ZBTB20: variants seen among roughly 807,000 people sequenced by gnomAD.
The protein encoded by ZBTB20 is zinc finger and BTB domain containing 20.
A neutral mutation model predicts 56.9 loss-of-function variants in ZBTB20; 9 were observed. The ratio of observed to expected loss-of-function variants is 0.16; its 90% CI spans 0.10 to 0.28. ZBTB20 has a LOEUF of 0.28. Ranked by LOEUF, ZBTB20 falls within the 10% of genes least tolerant of loss-of-function variation. ZBTB20 has a pLI of 1.00. For synonymous variants in ZBTB20, 417 were observed against 420.7 expected, an observed-to-expected ratio of 0.99 and a Z score of 0.11; for missense variants, 655 against 1,003.0, an observed-to-expected ratio of 0.65 and a Z score of 4.69.
intron 2 of ZBTB20, among the ~76,000 whole-genome samples, chr3:115,004,632 G>C (rs2079391120): frequency 6.6e-6 from 1 of 151,658 alleles, no homozygotes; most frequent in Non-Finnish European, 1.5e-5. Context: ...ATTGTTCATA[G>C]ATGAATATTC....
intron 2 of ZBTB20, among the ~76,000 whole-genome samples, chr3:115,069,456 A>C (rs2082327149): frequency 6.6e-6 from 1 of 152,106 alleles, no homozygotes; most frequent in Non-Finnish European, 1.5e-5. Context: ...CGAACTCTCC[A>C]TATCCCAAGC....
intron 11 of ZBTB20, among the ~76,000 whole-genome samples, chr3:114,342,506 A>G (rs1276646055): frequency 1.3e-5 from 2 of 152,234 alleles, no homozygotes; most frequent in South Asian, 2.1e-4. Flanking sequence ...ATACAGATGT[A>G]GGAGTCAGAT....
intron 10 of ZBTB20, among the ~76,000 whole-genome samples, chr3:114,361,318 TATC>T (rs1214234519): frequency 6.6e-6 from 1 of 152,234 alleles, no homozygotes; most frequent in Admixed American, 6.5e-5. Context: ...CACCAATTCT[TATC>T]ATCCCCATGA....
intron 5 of ZBTB20, among the ~76,000 whole-genome samples, chr3:114,717,862 T>G (rs966093554): frequency 4.0e-5 from 6 of 151,560 alleles, no homozygotes; most frequent in Non-Finnish European, 8.8e-5. Flanking sequence ...TAACCGCTTC[T>G]TTTCCTCCTC....
intron 2 of ZBTB20, among the ~76,000 whole-genome samples, chr3:115,018,814 G>A (rs910604952): frequency 2.6e-5 from 4 of 151,392 alleles, no homozygotes; most frequent in African/African-American, 7.3e-5. Flanking sequence ...TTAATAGCTT[G>A]CTGGCTTGAA....
chr3:115,073,776 CAAAAT>C (rs150318135), intron 1 of ZBTB20, among the ~76,000 whole-genome samples: 2,109 of 151,728 alleles, frequency 0.014, 58 homozygotes, highest in African/African-American at 0.048. Context: ...AAATTTAACT[CAAAAT>C]AAACCTTTCC....
At chr3:114,599,798 G>A (rs949959561) in intron 6 of ZBTB20, among the ~76,000 whole-genome samples, 2 of 151,886 alleles carry the variant, frequency 1.3e-5, no homozygotes, top group Admixed American at 6.6e-5. Flanking sequence ...AGAAGTAGAC[G>A]AAGAAATCTA....
chr3:114,587,730 C>T (rs1331156610), intron 6 of ZBTB20, among the ~76,000 whole-genome samples: 2 of 152,148 alleles, frequency 1.3e-5, no homozygotes, highest in Non-Finnish European at 2.9e-5. Context: ...CATAGAAGAA[C>T]GAAAGTCATT....
chr3:114,719,101 A>G (rs1332509226), intron 5 of ZBTB20, among the ~76,000 whole-genome samples: 1 of 148,028 alleles, frequency 6.8e-6, no homozygotes, highest in African/African-American at 2.5e-5. Flanking sequence ...AGGAAGAAGA[A>G]GTAAAGATTA....
intron 6 of ZBTB20, among the ~76,000 whole-genome samples, chr3:114,536,064 C>T (rs992563936): frequency 7.9e-5 from 12 of 152,082 alleles, no homozygotes; most frequent in African/African-American, 1.7e-4. Context: ...AAATGCTGGA[C>T]GCATTCCCTC....
At chr3:114,441,689 A>G (rs1019986036) in intron 7 of ZBTB20, among the ~76,000 whole-genome samples, 2 of 152,122 alleles carry the variant, frequency 1.3e-5, no homozygotes, top group African/African-American at 4.8e-5. Flanking sequence ...TTACACGGCA[A>G]CTGCTTTGCT....
rs573407912 is a variant in ZBTB20 at position 114,701,912 on chromosome 3, T to C, written c.-342-8337A>G. Among the ~76,000 whole-genome samples the C allele has an allele frequency of 3.3e-5, 5 of 152,336 alleles. No homozygotes were observed. The Middle Eastern group carries it at 0.017, about 518-fold the overall frequency. ...AATATCCAAATGCATATTTGGAAAA[T>C]GTTTTGTCTTAGATAAGAAAATGCA... On this transcript the variant is annotated intron_variant, in intron 5 of 11. Transcript: ENST00000675478.
chr3:114,822,681 G>A (rs1315558358), intron 4 of ZBTB20, among the ~76,000 whole-genome samples: 1 of 151,902 alleles, frequency 6.6e-6, no homozygotes, highest in Non-Finnish European at 1.5e-5. Flanking sequence ...GAAAATGAAT[G>A]TGAAAATATG....
chr3:114,753,431 A>ACACACG (rs2067757782), intron 5 of ZBTB20, among the ~76,000 whole-genome samples: 3 of 145,522 alleles, frequency 2.1e-5, no homozygotes, highest in East Asian at 2.0e-4. Flanking sequence ...ATATATATAT[A>ACACACG]TACACACACA....
intron 3 of ZBTB20, among the ~76,000 whole-genome samples, chr3:114,914,739 C>T (rs771409361): frequency 5.9e-5 from 9 of 151,432 alleles, no homozygotes; most frequent in Admixed American, 1.3e-4. Flanking sequence ...TATGTTACTT[C>T]GATATCCAGT....
chr3:114,872,376 T>C (rs1464038115), intron 4 of ZBTB20, among the ~76,000 whole-genome samples: 1 of 152,174 alleles, frequency 6.6e-6, no homozygotes. Context: ...GAATTATAGT[T>C]GCACACATTT....
chr3:114,806,307 C>T lies in ZBTB20; in HGVS notation c.-416-5133G>A, dbSNP rs181864064. On this transcript the variant is annotated intron_variant, in intron 4 of 11. Coordinates refer to ENST00000675478, the MANE Select transcript of ZBTB20 (RefSeq NM_001348800.3). ...CTAGCGGGTGTGAAGTAGTCTTTTA[C>T]GGTTTTAATTTACTTTTCCCTGGAA... Among the ~76,000 whole-genome samples the T allele has an allele frequency of 2.6e-3, 399 of 151,942 alleles. 3 individuals are homozygous for T. Among genetic ancestry groups the T allele is most frequent in the Non-Finnish European group, 1.7e-3 (118 of 67,822 alleles).
At chr3:114,430,998 G>C (rs1156349674) in intron 7 of ZBTB20, among the ~76,000 whole-genome samples, 1 of 152,172 alleles carries the variant, frequency 6.6e-6, no homozygotes, top group African/African-American at 2.4e-5. Flanking sequence ...TGAAAACATG[G>C]AGTTTCTCCT....
intron 6 of ZBTB20, among the ~76,000 whole-genome samples, chr3:114,527,594 A>C (rs1477255162): frequency 6.6e-6 from 1 of 152,204 alleles, no homozygotes; most frequent in Non-Finnish European, 1.5e-5. Flanking sequence ...GTAGTTGTCT[A>C]ATCTGCCTCC....
Sources: allele counts gnomAD v4.1 joint callset (sites outside exome capture counted in the v4.1 genomes callset), GRCh38; gene constraint gnomAD v4.1.1; transcripts MANE v1.5; gene names NCBI Gene and HGNC (gene_info 2026-07-23, HGNC 2026-07-21).